The following TMED5 variants were observed in gnomAD, a reference collection of about 807,000 sequenced individuals.
The protein encoded by TMED5 is transmembrane p24 trafficking protein 5.
In TMED5, 27 loss-of-function variants were observed where a neutral mutation model predicts 23.0. The ratio of observed to expected loss-of-function variants is 1.17; its 90% CI spans 0.86 to 1.62. TMED5 has a LOEUF of 1.62. Among genes scored for constraint, TMED5 ranks in the 40% most tolerant of loss-of-function variants. The pLI, the probability that TMED5 is intolerant of heterozygous loss-of-function variation, is 0.00. For missense variants in TMED5, 248 were observed against 273.7 expected (o/e 0.91, Z 0.66); for synonymous variants, 97 against 100.8 (o/e 0.96, Z 0.23).
Position 93,152,646 on chromosome 1 carries a change from TAAG to T in TMED5, c.*2021_*2023del. 1 of 152,608 alleles carries T rather than the reference TAAG, an allele frequency of 6.6e-6. No homozygotes were observed. Among genetic ancestry groups the T allele is most frequent in the Non-Finnish European group, 1.5e-5 (1 of 68,012 alleles). 9.5% of individuals were successfully genotyped at this position (152,608 alleles called of 1,614,324 possible). A position where few individuals can be genotyped will look rare whatever the true frequency, so the allele number is the denominator to read the frequency against. ...ATTATGTAACAAATTCATTGTTAGG[TAAG>T]GAGTCAGAGAGTACAGTACAGTAAC... On this transcript the variant is annotated 3_prime_UTR_variant, in exon 4 of 4. Transcript: ENST00000370282.
At chr1:93,169,219 G>A (rs962946200) in intron 1 of TMED5, among the ~76,000 whole-genome samples, 18 of 152,278 alleles carry the variant, frequency 1.2e-4, no homozygotes, top group Admixed American at 1.2e-3. Flanking sequence ...CTTGATTTGT[G>A]CTGTCAGACC....
chr1:93,155,903 C>T, intron 3 of TMED5: 2 of 482,154 alleles, frequency 4.1e-6, no homozygotes, highest in South Asian at 5.8e-5. Context: ...AGTAAAACAC[C>T]CAATGTTTTA....
intron 1 of TMED5, among the ~76,000 whole-genome samples, chr1:93,178,686 T>TG (rs778827818): frequency 6.6e-6 from 1 of 152,236 alleles, no homozygotes; most frequent in South Asian, 2.1e-4. Flanking sequence ...AACACTGAGT[T>TG]TTAGCCTCAG....
At chr1:93,171,275 G>A (rs1648722713) in intron 1 of TMED5, among the ~76,000 whole-genome samples, 1 of 152,078 alleles carries the variant, frequency 6.6e-6, no homozygotes. Context: ...CCACCAGAAG[G>A]AAGAAACTCC....
At position 93,180,362 on chromosome 1, in the gene TMED5, G is replaced by GGCGGCC. The variant is rs1649308241; in HGVS notation, c.-126_-121dup. On this transcript the variant is annotated 5_prime_UTR_variant, in exon 1 of 4. Transcript: ENST00000370282. Reference sequence around the variant, plus strand: ...TCTGGAGTCTGAAGAAACTCCAGGTGGCGGCCGCGGCGGCGGCGAACACTC... The same window carrying GGCGGCC: ...TCTGGAGTCTGAAGAAACTCCAGGTGGCGGCCGCGGCCGCGGCGGCGGCGAACACTC... The GGCGGCC allele has an allele frequency of 3.8e-6, 5 of 1,307,302 alleles. No homozygotes were observed. Among genetic ancestry groups the GGCGGCC allele is most frequent in the South Asian group, 1.4e-5 (1 of 72,218 alleles). 81.0% of individuals were successfully genotyped at this position (1,307,302 alleles called of 1,614,324 possible). A position where few individuals can be genotyped will look rare whatever the true frequency, so the allele number is the denominator to read the frequency against.
chr1:93,152,627 T>C lies in TMED5; in HGVS notation c.*2043A>G, dbSNP rs915804660. ...CAAATCATACATGTAGAAGATTATG[T>C]AACAAATTCATTGTTAGGTAAGGAG... On this transcript the variant is annotated 3_prime_UTR_variant, in exon 4 of 4. Coordinates refer to ENST00000370282, the MANE Select transcript of TMED5 (RefSeq NM_016040.5). 1 of 152,666 alleles carries C rather than the reference T, an allele frequency of 6.6e-6. No individual in the cohort carries two copies. Among genetic ancestry groups the C allele is most frequent in the African/African-American group, 2.4e-5 (1 of 41,464 alleles). The allele number at this position is 152,666 out of a possible 1,614,324, so 9.5% of individuals were successfully genotyped here.
chr1:93,180,178 A>C lies in TMED5; in HGVS notation c.65T>G (p.Leu22Arg), dbSNP rs1212475794. 1.2e-6 allele frequency: 2 copies of C among 1,613,690 alleles called. No homozygotes were observed. Among genetic ancestry groups the C allele is most frequent in the Admixed American group, 1.7e-5 (1 of 59,968 alleles). The change falls in exon 1 of 4, where the codon CTG becomes CGG. Residue 22 changes from leucine (L) to arginine (R), a missense_variant. Physicochemically the swap from Leu to Arg is moderately radical, Grantham distance 102. Transcript: ENST00000370282. ...AGGTGTGAAGCCGGCCGCCCCAGGCAGCAGCACCGGAGGCAGAGCGGCCAG... is the reference window on the plus strand; with the variant it reads ...AGGTGTGAAGCCGGCCGCCCCAGGCCGCAGCACCGGAGGCAGAGCGGCCAG... The part of the protein sequence containing the change: ...LLLAALPPVL[L>R]PGAAGFTPSL...
Position 93,154,905 on chromosome 1 carries a change from T to C in TMED5, c.472-17A>G. 1 of 1,503,290 alleles carries C rather than the reference T, an allele frequency of 6.7e-7. No individual in the cohort carries two copies. Among genetic ancestry groups the C allele is most frequent in the Non-Finnish European group, 9.1e-7 (1 of 1,099,142 alleles). The allele number at this position is 1,503,290 out of a possible 1,614,324, so 93.1% of individuals were successfully genotyped here. ...GATGGATTCCTGGAGATAAATAAAATAATTTTATTATTAAAGAATGCTCAG... is the reference window on the plus strand; with the variant it reads ...GATGGATTCCTGGAGATAAATAAAACAATTTTATTATTAAAGAATGCTCAG... On this transcript the variant is annotated splice_polypyrimidine_tract_variant and intron_variant, in intron 3 of 3. Coordinates refer to ENST00000370282, the MANE Select transcript of TMED5 (RefSeq NM_016040.5).
intron 1 of TMED5, among the ~76,000 whole-genome samples, chr1:93,167,231 T>A (rs553894732): frequency 6.6e-6 from 1 of 152,280 alleles, no homozygotes; most frequent in South Asian, 2.1e-4. Context: ...CTTAGGATAT[T>A]TCTGGGCTAT....
chr1:93,172,723 T>C (rs1411957940), intron 1 of TMED5, among the ~76,000 whole-genome samples: 1 of 152,144 alleles, frequency 6.6e-6, no homozygotes, highest in African/African-American at 2.4e-5. Context: ...CAAATACAAC[T>C]ACCATATCAT....
chr1:93,159,976 G>T (rs1166252285), intron 2 of TMED5, among the ~76,000 whole-genome samples, 153 bp downstream of exon 2: 4 of 152,294 alleles, frequency 2.6e-5, no homozygotes, highest in South Asian at 2.1e-4. Flanking sequence ...AGATGTTTTT[G>T]TTTATCAGAT....
chr1:93,159,332 C>T (rs1223505615), intron 2 of TMED5, among the ~76,000 whole-genome samples: 4 of 152,110 alleles, frequency 2.6e-5, no homozygotes, highest in Admixed American at 6.5e-5. Context: ...GACTCTATCT[C>T]ATAGTGTAAT....
chr1:93,172,710 C>A (rs1036715286), intron 1 of TMED5, among the ~76,000 whole-genome samples: 5 of 152,018 alleles, frequency 3.3e-5, no homozygotes, highest in Non-Finnish European at 7.4e-5. Flanking sequence ...CCTCAAAAAA[C>A]CACAAATACA....
At chr1:93,176,350 T>C (rs1182926598) in intron 1 of TMED5, among the ~76,000 whole-genome samples, 1 of 152,170 alleles carries the variant, frequency 6.6e-6, no homozygotes, top group Non-Finnish European at 1.5e-5. Context: ...TTAACTCTAC[T>C]TCTGGATGTC....
In TMED5 at chr1:93,180,198, G is replaced by T; in HGVS notation, c.45C>A (p.Ala15=). 1 of 1,613,258 alleles carries T rather than the reference G, an allele frequency of 6.2e-7. No individual in the cohort carries two copies. The highest frequency in any genetic ancestry group is 8.5e-7 in the Non-Finnish European group (1 of 1,179,732). The change falls in exon 1 of 4, where the codon GCC becomes GCA. Residue 15 remains alanine, a synonymous_variant. Transcript: ENST00000370282. ...IWLPFPVLLL[A]ALPPVLLPGA... Reference sequence around the variant, plus strand: ...CAGGCAGCAGCACCGGAGGCAGAGCGGCCAGAAGGAGCACGGGGAAGGGCA... The same window carrying T: ...CAGGCAGCAGCACCGGAGGCAGAGCTGCCAGAAGGAGCACGGGGAAGGGCA...
intron 1 of TMED5, among the ~76,000 whole-genome samples, chr1:93,164,587 A>T (rs1648417753): frequency 6.6e-6 from 1 of 152,188 alleles, no homozygotes; most frequent in Non-Finnish European, 1.5e-5. Context: ...CATCAAGCAA[A>T]TTTGTAGTTC....
At chr1:93,175,175 T>TATATATATATATATA (rs1648864062) in intron 1 of TMED5, among the ~76,000 whole-genome samples, 1 of 119,870 alleles carries the variant, frequency 8.3e-6, no homozygotes, top group African/African-American at 4.0e-5. Context: ...TAAAAGCCAT[T>TATATATATATATATA]TATATATATA....
In TMED5 at chr1:93,180,400, A is replaced by AAGCGCAG. The variant is rs1649318978; in HGVS notation, c.-165_-159dup. ...GCGGCGAACACTCCCTCCGAAAGAG[A>AAGCGCAG]AGCGCAGTTCTCCAAAGGGTAGGGA... On this transcript the variant is annotated 5_prime_UTR_variant, in exon 1 of 4. Transcript: ENST00000370282. 8.1e-7 allele frequency: 1 copy of AAGCGCAG among 1,232,512 alleles called. No individual in the cohort carries two copies. The highest frequency in any genetic ancestry group is 3.0e-5 in the Admixed American group (1 of 33,878). The allele number at this position is 1,232,512 out of a possible 1,614,324, so 76.3% of individuals were successfully genotyped here. A position where few individuals can be genotyped will look rare whatever the true frequency, so the allele number is the denominator to read the frequency against.
intron 2 of TMED5, among the ~76,000 whole-genome samples, chr1:93,158,556 A>G (rs1178727097): frequency 1.3e-5 from 2 of 151,804 alleles, no homozygotes; most frequent in African/African-American, 4.9e-5. Flanking sequence ...TCTGAAACTT[A>G]AAAGATGAAC....
Sources: allele counts gnomAD v4.1 joint callset (sites outside exome capture counted in the v4.1 genomes callset), GRCh38; gene constraint gnomAD v4.1.1; transcripts MANE v1.5; gene names NCBI Gene and HGNC (gene_info 2026-07-23, HGNC 2026-07-21).